SDK1: variants seen among roughly 807,000 people sequenced by gnomAD.
SDK1 encodes the protein sidekick cell adhesion molecule 1, also known as protein sidekick-1.
Under a neutral mutation model 245.5 loss-of-function variants are expected in SDK1, and 157 were observed. That is an observed-to-expected ratio of 0.64 (90% CI 0.56 to 0.73). SDK1 has a LOEUF of 0.73. Ranked by LOEUF, SDK1 falls within the 30% of genes least tolerant of loss-of-function variation. The probability of loss-of-function intolerance (pLI) is 0.00; values close to 1 mark genes in which losing one functional copy is unlikely to be tolerated. For missense variants in SDK1, 3,583 were observed against 3,002.3 expected, an observed-to-expected ratio of 1.19 and a Z score of -4.52; for synonymous variants, 1,647 against 1,278.5, an observed-to-expected ratio of 1.29 and a Z score of -6.15.
intron 1 of SDK1, among the ~76,000 whole-genome samples, chr7:3,493,646 G>A (rs547793187): frequency 1.3e-5 from 2 of 152,322 alleles, no homozygotes; most frequent in African/African-American, 2.4e-5. Flanking sequence ...ATCTTCATGA[G>A]TCAGGGCTTT....
intron 23 of SDK1, among the ~76,000 whole-genome samples, chr7:4,112,731 G>T (rs1438010405): frequency 6.6e-6 from 1 of 151,414 alleles, no homozygotes; most frequent in South Asian, 2.1e-4. Flanking sequence ...AGTCTTTTAG[G>T]GGAAAAAGGG....
intron 1 of SDK1, among the ~76,000 whole-genome samples, chr7:3,404,017 T>G (rs1185268743): frequency 6.6e-6 from 1 of 151,360 alleles, no homozygotes; most frequent in African/African-American, 2.4e-5. Flanking sequence ...AAGTTGTGTT[T>G]ATGCTATTTT....
At chr7:3,673,325 G>A (rs1303682458) in intron 4 of SDK1, among the ~76,000 whole-genome samples, 1 of 152,158 alleles carries the variant, frequency 6.6e-6, no homozygotes, top group African/African-American at 2.4e-5. Flanking sequence ...AGATCGGAGA[G>A]CTAGACAGTG....
intron 1 of SDK1, among the ~76,000 whole-genome samples, chr7:3,408,390 A>T (rs1266733968): frequency 6.6e-6 from 1 of 152,140 alleles, no homozygotes; most frequent in African/African-American, 2.4e-5. Context: ...TGTATGACTA[A>T]AATGTTACTT....
Position 4,178,504 on chromosome 7 carries a change from C to T in SDK1, c.5016C>T (p.Arg1672=). 1 of 1,613,640 alleles carries T rather than the reference C, an allele frequency of 6.2e-7. No individual in the cohort carries two copies. The highest frequency in any genetic ancestry group is 8.5e-7 in the Non-Finnish European group (1 of 1,179,576). The part of the protein sequence containing the change: ...CELTHLKKYR[R]YEVIMTAYNI... ...CTGCAGATTTAAAGAAGTACCGGCGCTATGAAGTAATAATGACCGCCTATA... is the reference window on the plus strand; with the variant it reads ...CTGCAGATTTAAAGAAGTACCGGCGTTATGAAGTAATAATGACCGCCTATA... The change falls in exon 35 of 45, where the codon CGC becomes CGT. Residue 1672 remains arginine (R), a synonymous_variant. Coordinates refer to ENST00000404826, the MANE Select transcript of SDK1 (RefSeq NM_152744.4).
chr7:3,346,319 C>T (rs932474259), intron 1 of SDK1, among the ~76,000 whole-genome samples: 13 of 152,046 alleles, frequency 8.6e-5, no homozygotes, highest in Non-Finnish European at 1.0e-4. Context: ...GAGGTGTCAC[C>T]TGGGCTAGTG....
intron 2 of SDK1, among the ~76,000 whole-genome samples, chr7:3,635,265 A>G (rs1461743736): frequency 6.6e-6 from 1 of 152,238 alleles, no homozygotes; most frequent in Non-Finnish European, 1.5e-5. Context: ...TTAAAACTCA[A>G]CAATATTTTT....
intron 38 of SDK1, 52 bp from the exon 39 acceptor site, chr7:4,220,057 G>C: frequency 6.3e-7 from 1 of 1,588,458 alleles, no homozygotes; most frequent in Non-Finnish European, 8.6e-7. Context: ...ACAGTGGACA[G>C]TTGCTTCTCC....
At chr7:3,742,378 TC>T (rs1779502129) in intron 4 of SDK1, among the ~76,000 whole-genome samples, 1 of 152,060 alleles carries the variant, frequency 6.6e-6, no homozygotes, top group African/African-American at 2.4e-5. Flanking sequence ...GTGAACGTGT[TC>T]CTCCCAGCTC....
chr7:3,818,520 A>C (rs1190802489), intron 4 of SDK1, among the ~76,000 whole-genome samples: 2 of 152,254 alleles, frequency 1.3e-5, no homozygotes, highest in African/African-American at 4.8e-5. Flanking sequence ...GTGTACACAC[A>C]TATGTAGAAA....
intron 1 of SDK1, among the ~76,000 whole-genome samples, chr7:3,386,607 C>G (rs961100299): frequency 8.5e-5 from 13 of 152,194 alleles, no homozygotes; most frequent in African/African-American, 3.1e-4. Flanking sequence ...CATTTTCCTT[C>G]TGGAACTATG....
At position 3,607,590 on chromosome 7, in the gene SDK1, C is replaced by A. The variant is rs111945588; in HGVS notation, c.299-11490C>A. Among the ~76,000 whole-genome samples, 661 of 152,302 alleles carry A rather than the reference C, an allele frequency of 4.3e-3. 8 individuals are homozygous for A. Among genetic ancestry groups the A allele is most frequent in the African/African-American group, 0.015 (623 of 41,552 alleles). On this transcript the variant is annotated intron_variant, in intron 1 of 44. Transcript: ENST00000404826. ...AATAATCAAACCAATATCTAGACTT[C>A]TCTAGAATTCTGAAGTAATTGAAAG...
At chr7:3,833,873 G>C (rs980947700) in intron 5 of SDK1, among the ~76,000 whole-genome samples, 1 of 152,196 alleles carries the variant, frequency 6.6e-6, no homozygotes, top group Non-Finnish European at 1.5e-5. Context: ...CCTGGCATTA[G>C]ATGACCTGGA....
chr7:3,825,559 C>A (rs1383900039), intron 5 of SDK1, among the ~76,000 whole-genome samples: 1 of 152,156 alleles, frequency 6.6e-6, no homozygotes, highest in Non-Finnish European at 1.5e-5. Context: ...CCTCTTCAAA[C>A]AACATTTGCA....
At position 3,488,154 on chromosome 7, in the gene SDK1, C is replaced by T. The variant is rs79580978; in HGVS notation, c.299-130926C>T. ...TACTTTGCCATTGCTGTGTGTTTTC[C>T]GATGCCTTTAATTGAATGACTAATT... On this transcript the variant is annotated intron_variant, in intron 1 of 44. Transcript: ENST00000404826. Among the ~76,000 whole-genome samples, 468 of 152,144 alleles carry T rather than the reference C, an allele frequency of 3.1e-3. 8 individuals carry two copies. In the East Asian group the frequency reaches 0.038, roughly 12 times the overall value.
At chr7:4,071,183 C>A (rs1048721030) in intron 20 of SDK1, among the ~76,000 whole-genome samples, 4 of 151,932 alleles carry the variant, frequency 2.6e-5, no homozygotes, top group Non-Finnish European at 2.9e-5. Context: ...CGCCACCACA[C>A]CCAGCTAATT....
At chr7:3,683,514 G>T (rs1360423852) in intron 4 of SDK1, among the ~76,000 whole-genome samples, 4 of 152,200 alleles carry the variant, frequency 2.6e-5, no homozygotes, top group Non-Finnish European at 5.9e-5. Context: ...ATGAGGACAA[G>T]AAACTCACAT....
chr7:3,594,742 A>G (rs567997812), intron 1 of SDK1, among the ~76,000 whole-genome samples: 13 of 152,308 alleles, frequency 8.5e-5, no homozygotes, highest in African/African-American at 3.1e-4. Flanking sequence ...TAAATATACT[A>G]TTGATTGTAA....
intron 1 of SDK1, among the ~76,000 whole-genome samples, chr7:3,582,272 TCCCTCA>T (rs1247476507): frequency 1.5e-4 from 22 of 151,602 alleles, no homozygotes; most frequent in African/African-American, 5.1e-4. Context: ...CAGGTAGGTC[TCCCTCA>T]GGTAGGTCTG....
Sources: gnomAD v4.1 joint callset for allele counts (sites outside exome capture counted in the v4.1 genomes callset) on GRCh38, gnomAD v4.1.1 for gene constraint, MANE v1.5 for transcripts, NCBI Gene and HGNC (gene_info 2026-07-23, HGNC 2026-07-21) for gene names.